The following DRG2 variants were observed in gnomAD, a reference collection of about 807,000 sequenced individuals.
DRG2 encodes the protein developmentally regulated GTP binding protein 2, also known as developmentally-regulated GTP-binding protein 2.
Under a neutral mutation model 53.4 loss-of-function variants are expected in DRG2, and 36 were observed. The observed-to-expected ratio is 0.67, with a 90% confidence interval of 0.52 to 0.89. DRG2 has a LOEUF of 0.89. DRG2 is among the 40% of genes least tolerant of loss of function. The pLI is 0.00. For missense variants in DRG2, 342 were observed against 481.2 expected, an observed-to-expected ratio of 0.71 and a Z score of 2.71; for synonymous variants, 167 against 192.1, an observed-to-expected ratio of 0.87 and a Z score of 1.08.
At chr17:18,101,824 C>T (rs1006597177) in intron 8 of DRG2, 97 bp from the exon 9 acceptor site, 94 of 1,403,944 alleles carry the variant, frequency 6.7e-5, no homozygotes, top group Admixed American at 6.0e-5. Flanking sequence ...ACTCAGCTCT[C>T]CAAGGAAGGG....
chr17:18,100,210 G>C lies in DRG2; in HGVS notation c.468-153G>C. 1 of 780,768 alleles carries C rather than the reference G, an allele frequency of 1.3e-6. No homozygotes were observed. The allele number at this position is 780,768 out of a possible 1,614,324, so 48.4% of individuals were successfully genotyped here. ...AGTTTAGAAGTTCCCTGCAGCTCTA[G>C]GGCATTGGGAAGGAGTGTTCTCTGG... On this transcript the variant is annotated intron_variant, in intron 5 of 12. Transcript: ENST00000225729. The surrounding 1 kb of genome is among the most constrained non-coding windows in gnomAD (Gnocchi z 4.1).
chr17:18,107,435 G>T lies in DRG2; in HGVS notation c.*195G>T. Reference sequence around the variant, plus strand: ...TTGGGGCAAAGGGGCTCGGTTGGAGGCATTTCCCATAAGACTGAGCCCTCT... The same window carrying T: ...TTGGGGCAAAGGGGCTCGGTTGGAGTCATTTCCCATAAGACTGAGCCCTCT... On this transcript the variant is annotated 3_prime_UTR_variant, in exon 13 of 13. Transcript: ENST00000225729. The T allele has an allele frequency of 1.6e-6, 1 of 616,136 alleles. No individual in the cohort carries two copies. The highest frequency in any genetic ancestry group is 2.9e-6 in the Non-Finnish European group (1 of 347,498). 38.2% of individuals were successfully genotyped at this position (616,136 alleles called of 1,614,324 possible). A position where few individuals can be genotyped will look rare whatever the true frequency, so the allele number is the denominator to read the frequency against.
At chr17:18,092,528 C>T (rs1283579422) in intron 1 of DRG2, among the ~76,000 whole-genome samples, 3 of 151,960 alleles carry the variant, frequency 2.0e-5, no homozygotes, top group African/African-American at 4.8e-5. Context: ...AACATAGGGT[C>T]CTGGTTCTCA....
Position 18,107,177 on chromosome 17 carries a change from G to T in DRG2, c.1032G>T (p.Pro344=), listed in dbSNP as rs182117105. ...LVWGTSTKYS[P]QRVGLTHTME... ...AGGGCACCAGCACCAAGTACAGTCC[G>T]CAGCGGGTGGGCCTGACCCACACCA... Residue 344 remains proline (P), a synonymous_variant, in exon 13 of 13, where the codon CCG becomes CCT. Coordinates refer to ENST00000225729, the MANE Select transcript of DRG2 (RefSeq NM_001388.5). The T allele has an allele frequency of 1.1e-5, 17 of 1,613,260 alleles. No homozygotes were observed. The highest frequency in any genetic ancestry group is 2.2e-5 in the South Asian group (2 of 91,086).
At chr17:18,093,416 TC>T (rs1313641701) in intron 1 of DRG2, among the ~76,000 whole-genome samples, 2 of 151,102 alleles carry the variant, frequency 1.3e-5, no homozygotes, top group African/African-American at 4.9e-5. Flanking sequence ...GCCTCCTGGG[TC>T]AAGTGATTCT....
rs758307537 is a variant in DRG2, at chr17:18,101,621, C to T, written c.729+31C>T. The T allele has an allele frequency of 3.7e-6, 6 of 1,603,958 alleles. No individual in the cohort carries two copies. In the Admixed American group the frequency reaches 6.7e-5, roughly 18 times the overall value. On this transcript the variant is annotated intron_variant, in intron 8 of 12. Transcript: ENST00000225729. ...TGCAGGAGGGGAGCCCTGGCCTGGC[C>T]ACTCGGCCTTTCTACCACATGCATT... is the stretch of plus-strand genomic sequence containing the variant.
rs1555532983 is a variant in DRG2, at chr17:18,090,406, A to ATATATT, written c.64+2320_64+2321insATATTT. Among the ~76,000 whole-genome samples, 6 of 22,698 alleles carry ATATATT rather than the reference A, an allele frequency of 2.6e-4. 1 individual carries two copies. Among genetic ancestry groups the ATATATT allele is most frequent in the Non-Finnish European group, 2.9e-4 (4 of 13,698 alleles). The allele number at this position is 22,698 out of a possible 152,430, so 14.9% of individuals were successfully genotyped here. ...TATATATATATATATATATATATATATTTTTTTTTTTTTTTTTTTTTTTTT... is the reference window on the plus strand; with the variant it reads ...TATATATATATATATATATATATATATATATTTTTTTTTTTTTTTTTTTTTTTTTTT... On this transcript the variant is annotated intron_variant, in intron 1 of 12. Transcript: ENST00000225729.
Position 18,107,163 on chromosome 17 carries a change from ACCAAGTACAGT to A in DRG2, c.1021_1031del (p.Lys341AlafsTer12). On this transcript the variant is annotated frameshift_variant, in exon 13 of 13. Transcript: ENST00000225729. LOFTEE classifies it high-confidence loss of function. ...CCCATTCCTCACCCAGGGCACCAGC[ACCAAGTACAGT>A]CCGCAGCGGGTGGGCCTGACCCACA... The A allele has an allele frequency of 6.2e-7, 1 of 1,613,476 alleles. No homozygotes were observed. Among genetic ancestry groups the A allele is most frequent in the East Asian group, 2.2e-5 (1 of 44,876 alleles).
intron 2 of DRG2, 88 bp downstream of exon 2, chr17:18,094,061 T>C: frequency 6.6e-7 from 1 of 1,517,314 alleles, no homozygotes. Context: ...TCGCTGCCTT[T>C]CTGCTTAGCT....
chr17:18,090,187 C>CTTTTTT (rs764657114), intron 1 of DRG2, among the ~76,000 whole-genome samples: 5 of 70,270 alleles, frequency 7.1e-5, no homozygotes, highest in Non-Finnish European at 9.7e-5. Context: ...ACACTGAATC[C>CTTTTTT]TTTTTTTTTT....
chr17:18,101,684 A>G, intron 8 of DRG2, 94 bp downstream of exon 8: 3 of 1,299,296 alleles, frequency 2.3e-6, no homozygotes, highest in Non-Finnish European at 3.3e-6. Flanking sequence ...AAGCAGAAAG[A>G]GTCTGAGGCT....
chr17:18,103,970 G>T lies in DRG2; in HGVS notation c.895+81G>T. 1 of 1,389,760 alleles carries T rather than the reference G, an allele frequency of 7.2e-7. No individual in the cohort carries two copies. The highest frequency in any genetic ancestry group is 1.0e-6 in the Non-Finnish European group (1 of 979,550). The allele number at this position is 1,389,760 out of a possible 1,614,324, so 86.1% of individuals were successfully genotyped here. ...GCCAGGCCGGTGTGTGGTGCCCAGAGACCCCAGCACCGGCTCTGGCCTGGC... is the reference window on the plus strand; with the variant it reads ...GCCAGGCCGGTGTGTGGTGCCCAGATACCCCAGCACCGGCTCTGGCCTGGC... On this transcript the variant is annotated intron_variant, in intron 10 of 12. Transcript: ENST00000225729. The surrounding 1 kb of genome is among the most constrained non-coding windows in gnomAD (Gnocchi z 4.4).
chr17:18,103,597 T>C lies in DRG2; in HGVS notation c.807-204T>C, dbSNP rs2045576490. 6.6e-6 allele frequency among the ~76,000 whole-genome samples: 1 copy of C among 152,210 alleles called. No individual in the cohort carries two copies. The highest frequency in any genetic ancestry group is 1.5e-5 in the Non-Finnish European group (1 of 68,038). ...CAGCCCCTAGGAGAGATGCTGACCC[T>C]GGTTGAGTGTGACCATGATTGGTGC... On this transcript the variant is annotated intron_variant, in intron 9 of 12. Transcript: ENST00000225729. This position sits in a 1 kb window ranked among gnomAD's most constrained non-coding sequence, Gnocchi z 4.4.
At chr17:18,106,377 T>A in intron 11 of DRG2, 56 bp from the exon 12 acceptor site, 5 of 1,602,676 alleles carry the variant, frequency 3.1e-6, no homozygotes, top group Non-Finnish European at 4.3e-6. Context: ...CAGCCAAGCT[T>A]GGGATGGGGT....
Position 18,107,344 on chromosome 17 carries a change from CAGGAA to C in DRG2, c.*105_*109del. ...CAGAAAAATACAAATACACGTACCCCAGGAAGGGGTCCCTCAAGTCTCTGCTATTT... is the reference window on the plus strand; with the variant it reads ...CAGAAAAATACAAATACACGTACCCCGGGGTCCCTCAAGTCTCTGCTATTT... On this transcript the variant is annotated 3_prime_UTR_variant, in exon 13 of 13. Coordinates refer to ENST00000225729, the MANE Select transcript of DRG2 (RefSeq NM_001388.5). 2 of 1,130,802 alleles carry C rather than the reference CAGGAA, an allele frequency of 1.8e-6. No homozygotes were observed. The highest frequency in any genetic ancestry group is 1.3e-6 in the Non-Finnish European group (1 of 777,964). 70.0% of individuals were successfully genotyped at this position (1,130,802 alleles called of 1,614,324 possible). A position where few individuals can be genotyped will look rare whatever the true frequency, so the allele number is the denominator to read the frequency against.
chr17:18,093,114 TCTC>T (rs2045362053), intron 1 of DRG2, among the ~76,000 whole-genome samples: 1 of 152,160 alleles, frequency 6.6e-6, no homozygotes, highest in African/African-American at 2.4e-5. Context: ...TTGGGATAAT[TCTC>T]CTCAGCTACA....
intron 12 of DRG2, among the ~76,000 whole-genome samples, chr17:18,106,697 T>G (rs1284138946): frequency 6.8e-6 from 1 of 147,096 alleles, no homozygotes; most frequent in Non-Finnish European, 1.5e-5. Context: ...GTTTTTTTTT[T>G]TTTTTTTTTT....
At position 18,099,758 on chromosome 17, in the gene DRG2, T is replaced by G; in HGVS notation, c.467+35T>G. ...GTGGGGCATGGGGCAGGCTCACATG[T>G]CTGGGGAGGGCCAATGTGTCCCTGA... On this transcript the variant is annotated intron_variant, in intron 5 of 12. Transcript: ENST00000225729. This position sits in a 1 kb window ranked among gnomAD's most constrained non-coding sequence, Gnocchi z 4.4. 1 of 1,570,680 alleles carries G rather than the reference T, an allele frequency of 6.4e-7. No individual in the cohort carries two copies. The highest frequency in any genetic ancestry group is 8.6e-7 in the Non-Finnish European group (1 of 1,157,882).
chr17:18,104,024 C>A (rs1019727559), intron 10 of DRG2, 135 bp downstream of exon 10: 4 of 817,216 alleles, frequency 4.9e-6, no homozygotes, highest in East Asian at 5.2e-5. Context: ...GCTCTTTTCC[C>A]TTCTCAGCAC....
Sources: allele counts gnomAD v4.1 joint callset (sites outside exome capture counted in the v4.1 genomes callset), GRCh38; gene constraint gnomAD v4.1.1; non-coding constraint Gnocchi (gnomAD v3.1); transcripts MANE v1.5; gene names NCBI Gene and HGNC (gene_info 2026-07-23, HGNC 2026-07-21).